FHOD3: variants seen among roughly 807,000 people sequenced by gnomAD.
FHOD3 encodes formin homology 2 domain containing 3.
In FHOD3, 90 loss-of-function variants were observed where a neutral mutation model predicts 173.0. The ratio of observed to expected loss-of-function variants is 0.52; its 90% CI spans 0.44 to 0.62. The LOEUF (loss-of-function observed/expected upper bound fraction) is 0.62, where lower values mean the gene tolerates loss of function less well. Ranked by LOEUF, FHOD3 falls within the 20% of genes least tolerant of loss-of-function variation. The pLI, the probability that FHOD3 is intolerant of heterozygous loss-of-function variation, is 0.00. For missense variants in FHOD3, 1,945 were observed against 2,034.7 expected, an observed-to-expected ratio of 0.96 and a Z score of 0.85; for synonymous variants, 828 against 823.0, an observed-to-expected ratio of 1.01 and a Z score of -0.10.
chr18:36,400,618 T>C (rs2048759386), intron 3 of FHOD3, among the ~76,000 whole-genome samples: 1 of 152,114 alleles, frequency 6.6e-6, no homozygotes, highest in Non-Finnish European at 1.5e-5. Context: ...CTCTATGAGA[T>C]TGGGGCAGTG....
Position 36,760,774 on chromosome 18 carries a change from C to A in FHOD3, c.4616C>A (p.Ala1539Glu). The change falls in exon 27 of 29, where the codon GCA (alanine) becomes GAA (glutamate). Residue 1539 changes from alanine (A) to glutamate (E), a missense_variant. By Grantham distance (107) the Ala-to-Glu change is moderately radical. Around this residue, in one of 5 missense-constraint regions of FHOD3, gnomAD observed 354 missense variants for 359.9 expected, o/e 0.98. Transcript: ENST00000590592. ...CTGGGCGTCCGCACACGCAGCCGAG[C>A]AAGCCGAGGTAACTCCTGGCTGCGC... The part of the protein sequence containing the change: ...PALGVRTRSR[A>E]SRGSTSSWTM... 6.2e-7 allele frequency: 1 copy of A among 1,608,506 alleles called. No individual in the cohort carries two copies. The highest frequency in any genetic ancestry group is 2.2e-5 in the East Asian group (1 of 44,714).
chr18:36,562,427 T>C (rs1432597402), intron 5 of FHOD3, among the ~76,000 whole-genome samples: 1 of 152,234 alleles, frequency 6.6e-6, no homozygotes, highest in African/African-American at 2.4e-5. Flanking sequence ...TTTAAAAACA[T>C]TATTTACTAT....
chr18:36,344,023 C>T (rs1756795820), intron 1 of FHOD3, among the ~76,000 whole-genome samples: 2 of 152,236 alleles, frequency 1.3e-5, no homozygotes, highest in South Asian at 4.1e-4. Context: ...GGATATACAA[C>T]TCTGTGAATA....
In FHOD3 at chr18:36,759,687, C is replaced by T. The variant is rs116010909; in HGVS notation, c.4449+546C>T. On this transcript the variant is annotated intron_variant, in intron 26 of 28. Transcript: ENST00000590592. ...CTTCCCTAGACCCTGGATGCAGGTG[C>T]GAGAACCAGAGACCAAGGGGGCTAA... Among the ~76,000 whole-genome samples the T allele has an allele frequency of 8.3e-3, 1,269 of 152,236 alleles. 12 individuals carry two copies. The highest frequency in any genetic ancestry group is 0.028 in the African/African-American group (1,173 of 41,514).
At chr18:36,340,142 A>G (rs1659643398) in intron 1 of FHOD3, among the ~76,000 whole-genome samples, 1 of 152,264 alleles carries the variant, frequency 6.6e-6, no homozygotes, top group African/African-American at 2.4e-5. Context: ...AATATAAAGC[A>G]ATAACATATT....
chr18:36,500,320 ATCTC>A (rs1027150370), intron 3 of FHOD3, among the ~76,000 whole-genome samples: 1 of 151,764 alleles, frequency 6.6e-6, no homozygotes, highest in African/African-American at 2.4e-5. Context: ...GTCCTGTTAA[ATCTC>A]TCTCAGTGGG....
At chr18:36,558,184 C>T (rs943923152) in intron 5 of FHOD3, among the ~76,000 whole-genome samples, 3 of 152,072 alleles carry the variant, frequency 2.0e-5, no homozygotes, top group African/African-American at 7.2e-5. Context: ...CTGTCTTAGT[C>T]TGTTTGGAGA....
chr18:36,566,303 A>T (rs1365477887), intron 5 of FHOD3, among the ~76,000 whole-genome samples: 1 of 152,210 alleles, frequency 6.6e-6, no homozygotes, highest in Non-Finnish European at 1.5e-5. Context: ...AAACATTTTT[A>T]AAAATTTTAA....
At chr18:36,604,485 A>C (rs2031831039) in intron 8 of FHOD3, among the ~76,000 whole-genome samples, 1 of 152,216 alleles carries the variant, frequency 6.6e-6, no homozygotes, top group South Asian at 2.1e-4. Context: ...AACAGACCTC[A>C]GTGTATAGAA....
chr18:36,547,193 A>G (rs545930024), intron 5 of FHOD3, among the ~76,000 whole-genome samples: 3 of 152,208 alleles, frequency 2.0e-5, no homozygotes, highest in South Asian at 4.2e-4. Flanking sequence ...GGAGAGGCCA[A>G]GCTCCTGGCA....
At chr18:36,708,879 T>C (rs541658381) in intron 17 of FHOD3, among the ~76,000 whole-genome samples, 25 of 152,268 alleles carry the variant, frequency 1.6e-4, no homozygotes, top group Admixed American at 7.8e-4. Flanking sequence ...AACCTCCATA[T>C]CGTAAGGTCA....
intron 1 of FHOD3, among the ~76,000 whole-genome samples, chr18:36,304,726 A>G (rs1223099142): frequency 1.3e-5 from 2 of 152,234 alleles, no homozygotes; most frequent in Non-Finnish European, 2.9e-5. Flanking sequence ...TACATAAACT[A>G]TTAGCTTAGT....
intron 10 of FHOD3, among the ~76,000 whole-genome samples, chr18:36,639,326 G>C (rs1341971524): frequency 2.0e-5 from 3 of 152,156 alleles, no homozygotes; most frequent in Non-Finnish European, 4.4e-5. Context: ...TGGATCATGA[G>C]GTCAGGAGAT....
intron 3 of FHOD3, among the ~76,000 whole-genome samples, chr18:36,401,539 C>T (rs531727827): frequency 6.6e-6 from 1 of 152,330 alleles, no homozygotes; most frequent in South Asian, 2.1e-4. Context: ...TCAGAGAGCA[C>T]TAGACCAAGA....
intron 3 of FHOD3, among the ~76,000 whole-genome samples, chr18:36,445,614 T>C (rs572246612): frequency 5.3e-5 from 8 of 152,314 alleles, no homozygotes; most frequent in East Asian, 1.9e-4. Context: ...GGAAGAGATA[T>C]TCTAAATCAT....
At chr18:36,425,554 G>C (rs1003587362) in intron 3 of FHOD3, among the ~76,000 whole-genome samples, 1 of 152,042 alleles carries the variant, frequency 6.6e-6, no homozygotes, top group Non-Finnish European at 1.5e-5. Context: ...ATGAATATAA[G>C]GTTATGTTCA....
Position 36,730,259 on chromosome 18 carries a change from A to G in FHOD3, c.3418-387A>G, listed in dbSNP as rs139951155. ...AACCAGCTCTCTCTGGGCACGCACC[A>G]TATGTATGAAGGCCAACCAAGACAT... On this transcript the variant is annotated intron_variant, in intron 19 of 28. Transcript: ENST00000590592. Among the ~76,000 whole-genome samples the G allele has an allele frequency of 6.7e-3, 1,017 of 152,320 alleles. 7 individuals carry two copies. The highest frequency in any genetic ancestry group is 8.7e-3 in the Non-Finnish European group (594 of 68,024).
intron 3 of FHOD3, 67 bp from the exon 4 acceptor site, chr18:36,501,865 C>A: frequency 9.0e-7 from 1 of 1,115,050 alleles, no homozygotes; most frequent in Non-Finnish European, 1.3e-6. Context: ...TCATTCATAT[C>A]CTGTCTGTGT....
intron 28 of FHOD3, among the ~76,000 whole-genome samples, chr18:36,771,258 T>C (rs1374964373): frequency 6.6e-6 from 1 of 152,138 alleles, no homozygotes; most frequent in African/African-American, 2.4e-5. Context: ...CATAATAAGA[T>C]GGACAGCACC....
Sources: allele counts gnomAD v4.1 joint callset (sites outside exome capture counted in the v4.1 genomes callset), GRCh38; gene constraint gnomAD v4.1.1; regional missense constraint gnomAD v4.1.1; transcripts MANE v1.5; gene names NCBI Gene and HGNC (gene_info 2026-07-23, HGNC 2026-07-21).